MAP2K6: variants seen among roughly 807,000 people sequenced by gnomAD.
MAP2K6 encodes the protein mitogen-activated protein kinase kinase 6, also known as dual specificity mitogen-activated protein kinase kinase 6.
MAP2K6 carries 16 observed loss-of-function variants against 53.7 expected under a neutral mutation model. The observed-to-expected ratio is 0.30, with a 90% confidence interval of 0.20 to 0.45. The LOEUF (loss-of-function observed/expected upper bound fraction) is 0.45. MAP2K6 is among the 20% of genes least tolerant of loss of function. MAP2K6 has a pLI of 1.00. For missense variants in MAP2K6, 204 were observed against 411.9 expected (o/e 0.50, Z 4.37); for synonymous variants, 132 against 143.1 (o/e 0.92, Z 0.55).
At chr17:69,488,185 A>G (rs566045021) in intron 1 of MAP2K6, among the ~76,000 whole-genome samples, 3 of 152,316 alleles carry the variant, frequency 2.0e-5, no homozygotes, top group African/African-American at 7.2e-5. Context: ...ATACAAAAAA[A>G]TGCTCCACAT....
At chr17:69,458,896 C>G (rs778837954) in intron 1 of MAP2K6, among the ~76,000 whole-genome samples, 4 of 152,142 alleles carry the variant, frequency 2.6e-5, no homozygotes, top group Non-Finnish European at 5.9e-5. Context: ...TCAAAAGTCA[C>G]CAGGGACTTC....
chr17:69,534,566 T>C (rs1391301918), intron 10 of MAP2K6, among the ~76,000 whole-genome samples: 1 of 152,064 alleles, frequency 6.6e-6, no homozygotes, highest in African/African-American at 2.4e-5. Flanking sequence ...CTCTCTCTTT[T>C]TTTTTTTTTT....
chr17:69,498,103 C>G (rs1410508900), intron 1 of MAP2K6, among the ~76,000 whole-genome samples: 4 of 151,984 alleles, frequency 2.6e-5, no homozygotes, highest in Non-Finnish European at 5.9e-5. Context: ...AGTTTTGACC[C>G]TTGCAATGTG....
chr17:69,461,919 G>A (rs144896496), intron 1 of MAP2K6, among the ~76,000 whole-genome samples: 2 of 152,318 alleles, frequency 1.3e-5, no homozygotes, highest in Non-Finnish European at 2.9e-5. Flanking sequence ...TTCCTCCGTG[G>A]TTGGCAGTCA....
rs142405414 is a variant in MAP2K6 at position 69,431,678 on chromosome 17, A to G, written c.16+16678A>G. On this transcript the variant is annotated intron_variant, in intron 1 of 11. Coordinates refer to ENST00000590474, the MANE Select transcript of MAP2K6 (RefSeq NM_002758.4). ...CCCTCCCTCTTTCTTTATCTGGTCT[A>G]TCCCCTCCCTTTGCAGGGTCCCTCA... 4.3e-3 allele frequency among the ~76,000 whole-genome samples: 654 copies of G among 152,278 alleles called. 5 individuals carry two copies. Among genetic ancestry groups the G allele is most frequent in the Middle Eastern group, 0.01 (3 of 294 alleles).
In MAP2K6 at chr17:69,436,030, A is replaced by C. The variant is rs924805119; in HGVS notation, c.16+21030A>C. Among the ~76,000 whole-genome samples, 33 of 152,296 alleles carry C rather than the reference A, an allele frequency of 2.2e-4. No homozygotes were observed. In the East Asian group the frequency reaches 6.0e-3, roughly 28 times the overall value. The stretch of plus-strand genomic sequence containing the variant: ...GAATCGATTTAAAATAAAAAAAAAA[A>C]AAACAAATGTGCTGCCAGCATTAGA... On this transcript the variant is annotated intron_variant, in intron 1 of 11. Transcript: ENST00000590474.
intron 2 of MAP2K6, among the ~76,000 whole-genome samples, chr17:69,515,306 G>A (rs1910085301): frequency 2.0e-5 from 3 of 151,888 alleles, no homozygotes; most frequent in African/African-American, 7.3e-5. Context: ...ACAGGCATGC[G>A]CCACAATGCC....
chr17:69,418,759 A>G (rs569304408), intron 1 of MAP2K6, among the ~76,000 whole-genome samples: 1 of 152,284 alleles, frequency 6.6e-6, no homozygotes, highest in Admixed American at 6.5e-5. Flanking sequence ...CTACATTATC[A>G]TGCATACTAT....
At chr17:69,449,553 C>A (rs575569676) in intron 1 of MAP2K6, among the ~76,000 whole-genome samples, 8,454 of 104,690 alleles carry the variant, frequency 0.081, 378 homozygotes, top group Non-Finnish European at 0.11. Flanking sequence ...TTCTTTCTTT[C>A]TTTCTTTATT....
chr17:69,486,797 C>A (rs1362090940), intron 1 of MAP2K6, among the ~76,000 whole-genome samples: 2 of 152,214 alleles, frequency 1.3e-5, no homozygotes, highest in African/African-American at 4.8e-5. Flanking sequence ...TGTAAACACA[C>A]TACAGAGCTA....
chr17:69,524,627 AC>A (rs1910665260), intron 8 of MAP2K6, among the ~76,000 whole-genome samples: 1 of 152,080 alleles, frequency 6.6e-6, no homozygotes, highest in Non-Finnish European at 1.5e-5. Flanking sequence ...TATAATGTAT[AC>A]CCTGTTTCTT....
intron 1 of MAP2K6, among the ~76,000 whole-genome samples, chr17:69,463,061 T>A (rs1907674384): frequency 6.6e-6 from 1 of 151,588 alleles, no homozygotes; most frequent in African/African-American, 2.4e-5. Flanking sequence ...GGGAGATGTA[T>A]TTGACACTGC....
At chr17:69,435,454 G>A (rs1906609054) in intron 1 of MAP2K6, 1 of 150,888 alleles carries the variant, frequency 6.6e-6, no homozygotes, top group South Asian at 2.1e-4. Context: ...AGAATTGCTT[G>A]AACCCGGAGG....
chr17:69,423,246 GA>G (rs996341262), intron 1 of MAP2K6, among the ~76,000 whole-genome samples: 1 of 151,658 alleles, frequency 6.6e-6, no homozygotes, highest in African/African-American at 2.4e-5. Context: ...TTAAATGATT[GA>G]AAAAAAATCA....
intron 1 of MAP2K6, among the ~76,000 whole-genome samples, chr17:69,491,730 G>GTTATTATTA (rs55714549): frequency 0.26 from 36,861 of 143,300 alleles, 5,341 homozygotes; most frequent in East Asian, 0.5. Flanking sequence ...GCTGGCATCT[G>GTTATTATTA]TTATTATTAT....
chr17:69,446,915 T>C (rs1276478809), intron 1 of MAP2K6, among the ~76,000 whole-genome samples: 4 of 152,010 alleles, frequency 2.6e-5, no homozygotes, highest in Non-Finnish European at 5.9e-5. Flanking sequence ...TGGTCATTCA[T>C]TGGACCACTT....
intron 1 of MAP2K6, chr17:69,485,332 C>T (rs1416395406): frequency 4.6e-6 from 1 of 217,556 alleles, no homozygotes; most frequent in Admixed American, 6.5e-5. Flanking sequence ...GGATGAGCAA[C>T]TTTGGAACGG....
chr17:69,429,155 G>A (rs1906371830), intron 1 of MAP2K6, among the ~76,000 whole-genome samples: 1 of 151,984 alleles, frequency 6.6e-6, no homozygotes, highest in Non-Finnish European at 1.5e-5. Context: ...GGGAGAGAGT[G>A]GGCTGGGCTG....
chr17:69,427,022 T>C (rs1277046115), intron 1 of MAP2K6, among the ~76,000 whole-genome samples: 1 of 152,200 alleles, frequency 6.6e-6, no homozygotes, highest in Admixed American at 6.5e-5. Context: ...TAAACAAGTA[T>C]ATCATATCAA....
Sources: gnomAD v4.1 joint callset for allele counts (sites outside exome capture counted in the v4.1 genomes callset) on GRCh38, gnomAD v4.1.1 for gene constraint, MANE v1.5 for transcripts, NCBI Gene and HGNC (gene_info 2026-07-23, HGNC 2026-07-21) for gene names.